APBA1: variants seen among roughly 807,000 people sequenced by gnomAD.
The protein encoded by APBA1 is amyloid beta precursor protein binding family A member 1.
In APBA1, 55 loss-of-function variants were observed where a neutral mutation model predicts 86.6. The ratio of observed to expected loss-of-function variants is 0.64; its 90% confidence interval spans 0.51 to 0.80. The LOEUF is 0.80. Ranked by LOEUF, APBA1 falls within the 30% of genes least tolerant of loss-of-function variation. APBA1 has a pLI of 0.00. For missense variants in APBA1, 1,090 were observed against 1,183.0 expected, an observed-to-expected ratio of 0.92 and a Z score of 1.15; for synonymous variants, 511 against 493.9, an observed-to-expected ratio of 1.03 and a Z score of -0.46.
In APBA1 at chr9:69,581,349, T is replaced by G. The variant is rs547754380; in HGVS notation, c.-69-64070A>C. Among the ~76,000 whole-genome samples the G allele has an allele frequency of 2.0e-5, 3 of 152,086 alleles. No homozygotes were observed. In the East Asian group the frequency reaches 5.8e-4, roughly 30 times the overall value. On this transcript the variant is annotated intron_variant, in intron 1 of 12. Coordinates refer to ENST00000265381, the MANE Select transcript of APBA1 (RefSeq NM_001163.4). ...AAAACATCCTTGACATTTACCTTAG[T>G]GTATTCAGAAATATTAGCTCACTAC...
chr9:69,585,948 T>C (rs1822010984), intron 1 of APBA1, among the ~76,000 whole-genome samples: 1 of 152,164 alleles, frequency 6.6e-6, no homozygotes, highest in South Asian at 2.1e-4. Flanking sequence ...CTGGCATTTT[T>C]AAGTTGAGCC....
intron 8 of APBA1, among the ~76,000 whole-genome samples, chr9:69,455,309 G>C (rs1436556557): frequency 6.6e-6 from 1 of 152,204 alleles, no homozygotes; most frequent in South Asian, 2.1e-4. Context: ...GGGTGGGTGA[G>C]TTTTCTGCTA....
chr9:69,591,323 T>C (rs1433203015), intron 1 of APBA1, among the ~76,000 whole-genome samples: 1 of 152,196 alleles, frequency 6.6e-6, no homozygotes, highest in Non-Finnish European at 1.5e-5. Flanking sequence ...TCCAGTGGAA[T>C]AGTAGTTTAT....
chr9:69,636,977 A>AAG (rs1407263376), intron 1 of APBA1, among the ~76,000 whole-genome samples: 2 of 151,340 alleles, frequency 1.3e-5, no homozygotes, highest in African/African-American at 4.9e-5. Context: ...GAAAGAAAGA[A>AAG]AGAAAGAAAA....
intron 11 of APBA1, among the ~76,000 whole-genome samples, chr9:69,434,321 C>T (rs1834658686): frequency 6.6e-6 from 1 of 152,264 alleles, no homozygotes; most frequent in Non-Finnish European, 1.5e-5. Context: ...GTGGGAATCT[C>T]TGCTGAAGGG....
At chr9:69,653,790 G>A (rs1823554419) in intron 1 of APBA1, among the ~76,000 whole-genome samples, 1 of 152,126 alleles carries the variant, frequency 6.6e-6, no homozygotes, top group African/African-American at 2.4e-5. Flanking sequence ...CAAAACCTAC[G>A]GGATACAGCA....
At chr9:69,457,215 T>C (rs1306914077) in intron 6 of APBA1, 76 bp from the exon 7 acceptor site, 10 of 1,114,408 alleles carry the variant, frequency 9.0e-6, no homozygotes, top group Non-Finnish European at 1.4e-5. Context: ...TAAGGTTAGC[T>C]CACACAGAGG....
chr9:69,452,308 C>A lies in APBA1; in HGVS notation c.1789-7G>T. On this transcript the variant is annotated splice_polypyrimidine_tract_variant and splice_region_variant and intron_variant, in intron 8 of 12. Transcript: ENST00000265381. The stretch of plus-strand genomic sequence containing the variant: ...ACTGTGCAATCAGCTGAGCCTGGAA[C>A]AGCAGCCAGAGAGGAAAGATGGTCA... 1 of 1,613,688 alleles carries A rather than the reference C, an allele frequency of 6.2e-7. No homozygotes were observed.
chr9:69,518,352 G>C (rs950703498), intron 1 of APBA1, among the ~76,000 whole-genome samples: 5 of 152,028 alleles, frequency 3.3e-5, no homozygotes, highest in Non-Finnish European at 4.4e-5. Flanking sequence ...TACCAAGGGA[G>C]GACTATATTC....
chr9:69,442,637 C>T (rs745973894), intron 10 of APBA1, among the ~76,000 whole-genome samples: 8 of 152,286 alleles, frequency 5.3e-5, no homozygotes, highest in South Asian at 2.1e-4. Flanking sequence ...GCGCCCTCTA[C>T]GAGTGAAGTG....
chr9:69,564,557 C>G (rs1836995826), intron 1 of APBA1, among the ~76,000 whole-genome samples: 1 of 152,106 alleles, frequency 6.6e-6, no homozygotes, highest in Non-Finnish European at 1.5e-5. Context: ...TTAAATAAAT[C>G]TAGTAAATAA....
intron 8 of APBA1, 131 bp from the exon 9 acceptor site, chr9:69,452,432 C>A: frequency 3.5e-6 from 3 of 851,846 alleles, no homozygotes; most frequent in Non-Finnish European, 5.3e-6. Context: ...CCTGCTGGGC[C>A]AGTGGTTCTA....
At chr9:69,660,607 C>G (rs183910175) in intron 1 of APBA1, among the ~76,000 whole-genome samples, 13 of 152,228 alleles carry the variant, frequency 8.5e-5, no homozygotes, top group Non-Finnish European at 1.6e-4. Context: ...AATCTCAAAG[C>G]CTTATATTTA....
At chr9:69,442,258 G>A (rs1012409160) in intron 10 of APBA1, among the ~76,000 whole-genome samples, 3 of 152,216 alleles carry the variant, frequency 2.0e-5, no homozygotes, top group Admixed American at 1.3e-4. Context: ...TGGTATGCAG[G>A]AGGATCATGT....
At chr9:69,672,555 C>CGCG (rs1156962478), upstream of APBA1, among the ~76,000 whole-genome samples, 295 of 147,516 alleles carry the variant, frequency 2.0e-3, 1 homozygote, top group Middle Eastern at 3.4e-3. Flanking sequence ...CCCGCGAGCC[C>CGCG]GCGGCGGCGG....
chr9:69,598,256 G>T (rs1479737798), intron 1 of APBA1, among the ~76,000 whole-genome samples: 2 of 151,930 alleles, frequency 1.3e-5, no homozygotes, highest in African/African-American at 4.8e-5. Flanking sequence ...ACACAGGAAG[G>T]GGAATATCAC....
chr9:69,473,862 T>C (rs1024341708), intron 3 of APBA1, among the ~76,000 whole-genome samples: 1 of 152,180 alleles, frequency 6.6e-6, no homozygotes, highest in Non-Finnish European at 1.5e-5. Context: ...AAAAAGAGTT[T>C]TGTGAAATGA....
intron 1 of APBA1, among the ~76,000 whole-genome samples, chr9:69,624,174 T>C (rs1313403887): frequency 1.3e-5 from 2 of 152,150 alleles, no homozygotes; most frequent in Admixed American, 6.5e-5. Context: ...TCTCTAAATA[T>C]AATAAAGAGC....
Position 69,516,223 on chromosome 9 carries a change from CCG to C in APBA1, c.986_987del (p.Ala329GlyfsTer57). 1.3e-6 allele frequency: 2 copies of C among 1,486,292 alleles called. No homozygotes were observed. The allele number at this position is 1,486,292 out of a possible 1,614,324, so 92.1% of individuals were successfully genotyped here. A position where few individuals can be genotyped will look rare whatever the true frequency, so the allele number is the denominator to read the frequency against. The part of the protein sequence containing the change: ...PAGQQRAVGP[A>X]GGGEAGQRYS... The stretch of plus-strand genomic sequence containing the variant: ...TACCGCTGCCCCGCCTCGCCGCCGC[CCG>C]CGGGGCCCACCGCCCGCTGCTGCCC... On this transcript the variant is annotated frameshift_variant, in exon 2 of 13. Coordinates refer to ENST00000265381, the MANE Select transcript of APBA1 (RefSeq NM_001163.4). LOFTEE classifies it high-confidence loss of function. This position sits in a 1 kb window ranked among gnomAD's most constrained non-coding sequence, Gnocchi z 7.3.
Sources: allele counts gnomAD v4.1 joint callset (sites outside exome capture counted in the v4.1 genomes callset), GRCh38; gene constraint gnomAD v4.1.1; non-coding constraint Gnocchi (gnomAD v3.1); transcripts MANE v1.5; gene names NCBI Gene and HGNC (gene_info 2026-07-23, HGNC 2026-07-21).